KLF12: variants seen among roughly 807,000 people sequenced by gnomAD.
The protein encoded by KLF12 is KLF transcription factor 12.
Under a neutral mutation model 37.8 loss-of-function variants are expected in KLF12, and 9 were observed. The ratio of observed to expected loss-of-function variants is 0.24; its 90% CI spans 0.14 to 0.42. The LOEUF is 0.42. KLF12 is among the 10% of genes least tolerant of loss of function. The probability of loss-of-function intolerance (pLI) is 1.00; values close to 1 mark genes in which losing one functional copy is unlikely to be tolerated. For synonymous variants in KLF12, 208 were observed against 202.1 expected (o/e 1.03, Z -0.25); for missense variants, 411 against 516.0 (o/e 0.80, Z 1.97).
chr13:74,240,995 G>A, the KLF12 span, among the ~76,000 whole-genome samples: 65 of 152,048 alleles, frequency 4.3e-4, 1 homozygote, highest in Non-Finnish European at 7.2e-4. Context: ...GAGGAACTGC[G>A]TTCCTTTGGA....
At chr13:74,147,302 T>C in the KLF12 span, among the ~76,000 whole-genome samples, 1 of 151,942 alleles carries the variant, frequency 6.6e-6, no homozygotes, top group East Asian at 1.9e-4. Flanking sequence ...AAATTGGAGT[T>C]TGGGGAACAC....
chr13:73,729,270 GCCA>G (rs763424469), intron 6 of KLF12, among the ~76,000 whole-genome samples: 4 of 152,242 alleles, frequency 2.6e-5, no homozygotes, highest in Middle Eastern at 3.4e-3. Flanking sequence ...TGCATTATTG[GCCA>G]CACACTGTCT....
chr13:74,269,097 T>G, the KLF12 span, among the ~76,000 whole-genome samples: 1 of 152,172 alleles, frequency 6.6e-6, no homozygotes, highest in African/African-American at 2.4e-5. Flanking sequence ...TACAGCAGGA[T>G]CATCTAAGAC....
intron 1 of KLF12, among the ~76,000 whole-genome samples, chr13:74,062,774 G>T (rs1019578593): frequency 6.6e-6 from 1 of 152,042 alleles, no homozygotes; most frequent in Non-Finnish European, 1.5e-5. Context: ...TGTTAAAAAA[G>T]AAAAACGAAA....
chr13:73,957,910 G>C (rs916416676), intron 2 of KLF12, among the ~76,000 whole-genome samples: 1 of 152,150 alleles, frequency 6.6e-6, no homozygotes, highest in African/African-American at 2.4e-5. Flanking sequence ...AGGTTTAAAC[G>C]TTGGATCCTT....
At chr13:73,938,306 G>GT (rs760499071) in intron 3 of KLF12, among the ~76,000 whole-genome samples, 6 of 152,052 alleles carry the variant, frequency 3.9e-5, no homozygotes, top group South Asian at 2.1e-4. Context: ...TAATTGTTGG[G>GT]TTTTTTCCCC....
At chr13:73,867,134 G>A (rs1886214289) in intron 3 of KLF12, among the ~76,000 whole-genome samples, 1 of 152,078 alleles carries the variant, frequency 6.6e-6, no homozygotes, top group Non-Finnish European at 1.5e-5. Flanking sequence ...CTGCAATTAA[G>A]TAGTCTAGTT....
the KLF12 span, among the ~76,000 whole-genome samples, chr13:74,248,439 G>T: frequency 6.6e-6 from 1 of 152,212 alleles, no homozygotes; most frequent in Non-Finnish European, 1.5e-5. Context: ...GGTTCTAAAA[G>T]TAAGCTTCAT....
At chr13:74,280,317 G>A in the KLF12 span, among the ~76,000 whole-genome samples, 1 of 152,130 alleles carries the variant, frequency 6.6e-6, no homozygotes, top group Non-Finnish European at 1.5e-5. Flanking sequence ...AGAGTGTAAT[G>A]ACCAGTTTTG....
At chr13:73,955,033 T>C (rs959796577) in intron 2 of KLF12, among the ~76,000 whole-genome samples, 2 of 152,226 alleles carry the variant, frequency 1.3e-5, no homozygotes, top group African/African-American at 4.8e-5. Context: ...AGTCCAGGTG[T>C]ATGAGACTTT....
intron 1 of KLF12, among the ~76,000 whole-genome samples, chr13:74,006,894 G>A (rs777915543): frequency 6.6e-6 from 1 of 152,106 alleles, no homozygotes; most frequent in Middle Eastern, 3.2e-3. Flanking sequence ...TCTTTCCAAT[G>A]CACATGACAA....
At chr13:74,045,174 A>G (rs542033723) in intron 1 of KLF12, among the ~76,000 whole-genome samples, 2 of 152,358 alleles carry the variant, frequency 1.3e-5, no homozygotes, top group African/African-American at 4.8e-5. Context: ...TTATTACGGA[A>G]AAGAACAACT....
the KLF12 span, among the ~76,000 whole-genome samples, chr13:74,240,939 C>T: frequency 1.3e-5 from 2 of 151,176 alleles, no homozygotes; most frequent in Non-Finnish European, 3.0e-5. Flanking sequence ...CTTCTTCTCT[C>T]AGCTCGTCAA....
At chr13:74,259,068 TTCTGGCCTGTG>T in the KLF12 span, 1 of 152,238 alleles carries the variant, frequency 6.6e-6, no homozygotes, top group Admixed American at 6.5e-5. Context: ...CTCCCCAAAC[TTCTGGCCTGTG>T]CCCCAGATAG....
At position 73,837,609 on chromosome 13, in the gene KLF12, C is replaced by T. The variant is rs143483805; in HGVS notation, c.670+8218G>A. ...CTTTCTCTCACTATTTAACAAGCTC[C>T]TATCTTTGTTTTGCCATAAGAGTGA... is the stretch of plus-strand genomic sequence containing the variant. On this transcript the variant is annotated intron_variant, in intron 4 of 7. Coordinates refer to ENST00000377669, the MANE Select transcript of KLF12 (RefSeq NM_007249.5). 8.2e-3 allele frequency among the ~76,000 whole-genome samples: 1,246 copies of T among 152,252 alleles called. 10 individuals carry two copies. The highest frequency in any genetic ancestry group is 0.014 in the Non-Finnish European group (929 of 68,004).
At chr13:74,201,766 A>G in the KLF12 span, among the ~76,000 whole-genome samples, 2 of 152,104 alleles carry the variant, frequency 1.3e-5, no homozygotes, top group Non-Finnish European at 2.9e-5. Flanking sequence ...GTCTTTGCCA[A>G]GCAGGGCATT....
chr13:73,933,445 T>C (rs995627092), intron 3 of KLF12, among the ~76,000 whole-genome samples: 1 of 152,198 alleles, frequency 6.6e-6, no homozygotes, highest in Non-Finnish European at 1.5e-5. Context: ...TTTATAGATA[T>C]TTAAATTTTT....
chr13:73,911,287 AGC>A, intron 3 of KLF12, among the ~76,000 whole-genome samples: 1 of 152,266 alleles, frequency 6.6e-6, no homozygotes, highest in South Asian at 2.1e-4. Context: ...AAGAGGCAAG[AGC>A]ATAAGGTATG....
At chr13:74,001,578 T>C (rs548340162) in intron 1 of KLF12, among the ~76,000 whole-genome samples, 2 of 152,220 alleles carry the variant, frequency 1.3e-5, no homozygotes, top group African/African-American at 2.4e-5. Context: ...ATATTTGGCT[T>C]TCCTATTAAT....
Sources: gnomAD v4.1 joint callset for allele counts (sites outside exome capture counted in the v4.1 genomes callset) on GRCh38, gnomAD v4.1.1 for gene constraint, MANE v1.5 for transcripts, NCBI Gene and HGNC (gene_info 2026-07-23, HGNC 2026-07-21) for gene names.